The following EPHA6 variants were observed in gnomAD, a reference collection of about 807,000 sequenced individuals.
EPHA6 encodes the protein ephrin type-A receptor 6.
Under a neutral mutation model 112.0 loss-of-function variants are expected in EPHA6, and 50 were observed. That is an observed-to-expected ratio of 0.45 (90% confidence interval 0.36 to 0.56). The LOEUF (loss-of-function observed/expected upper bound fraction) is 0.56. Among genes scored for constraint, EPHA6 ranks in the 20% least tolerant of loss-of-function variants. The probability of loss-of-function intolerance (pLI) is 0.00; values close to 1 mark genes in which losing one functional copy is unlikely to be tolerated. For synonymous variants in EPHA6, 529 were observed against 490.7 expected (o/e 1.08, Z -1.03); for missense variants, 1,280 against 1,417.4 (o/e 0.90, Z 1.56).
At chr3:96,978,178 C>T (rs1473859407) in intron 2 of EPHA6, among the ~76,000 whole-genome samples, 3 of 152,112 alleles carry the variant, frequency 2.0e-5, no homozygotes, top group African/African-American at 7.2e-5. Flanking sequence ...AAAAGAAAAT[C>T]ATAAGGAAGA....
chr3:97,491,417 G>A (rs1489996017), intron 10 of EPHA6, among the ~76,000 whole-genome samples: 1 of 152,112 alleles, frequency 6.6e-6, no homozygotes, highest in Non-Finnish European at 1.5e-5. Flanking sequence ...CTTGTAAGAT[G>A]GATAGTGGGG....
chr3:97,453,130 G>T (rs192969273), intron 7 of EPHA6, among the ~76,000 whole-genome samples: 2 of 151,562 alleles, frequency 1.3e-5, no homozygotes, highest in Admixed American at 6.6e-5. Flanking sequence ...AAGTAATTTT[G>T]CATGTGCAGT....
chr3:97,582,484 A>T (rs531545348), intron 11 of EPHA6, among the ~76,000 whole-genome samples: 3 of 152,316 alleles, frequency 2.0e-5, no homozygotes, highest in South Asian at 2.1e-4. Flanking sequence ...ACATGGAAGG[A>T]AATCCCATGT....
chr3:97,266,721 T>C, intron 5 of EPHA6, among the ~76,000 whole-genome samples: 1 of 121,958 alleles, frequency 8.2e-6, no homozygotes, highest in East Asian at 2.7e-4. Flanking sequence ...CCATATGTCA[T>C]TTTTTGTAAC....
At chr3:97,659,814 C>T (rs1280699113) in intron 14 of EPHA6, among the ~76,000 whole-genome samples, 1 of 151,966 alleles carries the variant, frequency 6.6e-6, no homozygotes, top group Admixed American at 6.6e-5. Flanking sequence ...TTTTCCTGCA[C>T]TACCACAGAT....
At chr3:96,837,989 C>A (rs2034518505) in intron 1 of EPHA6, among the ~76,000 whole-genome samples, 1 of 152,044 alleles carries the variant, frequency 6.6e-6, no homozygotes, top group South Asian at 2.1e-4. Flanking sequence ...AGGTGTTAAG[C>A]CCAGCATCCA....
At position 97,532,607 on chromosome 3, in the gene EPHA6, G is replaced by C. The variant is rs146110501; in HGVS notation, c.2386+64G>C. On this transcript the variant is annotated intron_variant, in intron 11 of 17. Transcript: ENST00000389672. ...CTATCTCAGTTTTTTTTTAAGAAAA[G>C]GAAAAATCTTCATAATAATACCACA... The C allele has an allele frequency of 4.2e-4, 578 of 1,365,254 alleles. 1 individual carries two copies. The African/African-American group carries it at 8.1e-3, about 19-fold the overall frequency. The allele number at this position is 1,365,254 out of a possible 1,614,324, so 84.6% of individuals were successfully genotyped here.
rs1175556895 is a variant in EPHA6 at position 97,757,497 on chromosome 3, A to C, written c.*8796A>C. The stretch of plus-strand genomic sequence containing the variant: ...AAGAATTTGCCAAAAAATTCAAATA[A>C]TAATACATTGAATATTGGACTGCCA... On this transcript the variant is annotated 3_prime_UTR_variant, in exon 18 of 18. Coordinates refer to ENST00000389672, the MANE Select transcript of EPHA6 (RefSeq NM_001080448.3). Among the ~76,000 whole-genome samples the C allele has an allele frequency of 2.0e-5, 3 of 151,722 alleles. No homozygotes were observed. Among genetic ancestry groups the C allele is most frequent in the African/African-American group, 7.2e-5 (3 of 41,420 alleles).
At chr3:96,989,577 C>G (rs1389667145) in intron 3 of EPHA6, among the ~76,000 whole-genome samples, 1 of 152,098 alleles carries the variant, frequency 6.6e-6, no homozygotes, top group Non-Finnish European at 1.5e-5. Flanking sequence ...CTTCCTGAGA[C>G]TGGGTAATTT....
At chr3:96,818,271 G>T (rs1037618730) in intron 1 of EPHA6, among the ~76,000 whole-genome samples, 3 of 151,934 alleles carry the variant, frequency 2.0e-5, no homozygotes, top group African/African-American at 7.2e-5. Context: ...TTCATTCAAA[G>T]ATTATTCTGC....
chr3:97,181,311 A>C (rs1198554535), intron 3 of EPHA6, among the ~76,000 whole-genome samples: 1 of 151,914 alleles, frequency 6.6e-6, no homozygotes, highest in African/African-American at 2.4e-5. Flanking sequence ...CAGCAATATG[A>C]ATTTAAAACC....
intron 6 of EPHA6, among the ~76,000 whole-genome samples, chr3:97,410,024 A>G (rs2087609807): frequency 6.6e-6 from 1 of 152,092 alleles, no homozygotes; most frequent in Non-Finnish European, 1.5e-5. Flanking sequence ...TAAAAAATAT[A>G]AGGAGATTTG....
intron 2 of EPHA6, among the ~76,000 whole-genome samples, chr3:96,939,910 GTT>G (rs2040838647): frequency 1.3e-5 from 2 of 152,188 alleles, no homozygotes; most frequent in African/African-American, 2.4e-5. Context: ...TAGTTGAGCG[GTT>G]TTGAGTGAGT....
At chr3:97,736,500 T>C (rs919910141) in intron 16 of EPHA6, among the ~76,000 whole-genome samples, 13 of 151,582 alleles carry the variant, frequency 8.6e-5, no homozygotes, top group Admixed American at 7.9e-4. Context: ...TGTGTGTGTG[T>C]GTGTGTGTGT....
chr3:97,219,104 C>A (rs1262514011), intron 3 of EPHA6, among the ~76,000 whole-genome samples: 1 of 152,150 alleles, frequency 6.6e-6, no homozygotes, highest in African/African-American at 2.4e-5. Flanking sequence ...ACCCCTGTGG[C>A]TTTGCAGGGT....
intron 3 of EPHA6, among the ~76,000 whole-genome samples, chr3:97,124,102 A>G (rs905576762): frequency 7.2e-5 from 11 of 152,142 alleles, no homozygotes; most frequent in Non-Finnish European, 1.5e-4. Flanking sequence ...ATTTCTAATC[A>G]ATATAATTGG....
intron 3 of EPHA6, among the ~76,000 whole-genome samples, chr3:97,109,761 A>G (rs1293142021): frequency 6.6e-6 from 1 of 152,190 alleles, no homozygotes; most frequent in African/African-American, 2.4e-5. Context: ...TGCTGACAGC[A>G]GTAAACAAGA....
chr3:96,917,301 G>C (rs1384918357), intron 2 of EPHA6, among the ~76,000 whole-genome samples: 1 of 150,826 alleles, frequency 6.6e-6, no homozygotes, highest in African/African-American at 2.4e-5. Flanking sequence ...GGCACCTTTA[G>C]TCCCAGCTAC....
At position 97,752,857 on chromosome 3, in the gene EPHA6, A is replaced by G. The variant is rs1321063888; in HGVS notation, c.*4156A>G. Among the ~76,000 whole-genome samples, 2 of 152,092 alleles carry G rather than the reference A, an allele frequency of 1.3e-5. No individual in the cohort carries two copies. Among genetic ancestry groups the G allele is most frequent in the African/African-American group, 4.8e-5 (2 of 41,442 alleles). The stretch of plus-strand genomic sequence containing the variant: ...ACTCACAGTTGGTGTCCATGTCTCT[A>G]TATATCAAAGAGATTTGAAGCATAT... On this transcript the variant is annotated 3_prime_UTR_variant, in exon 18 of 18. Coordinates refer to ENST00000389672, the MANE Select transcript of EPHA6 (RefSeq NM_001080448.3).
Sources: gnomAD v4.1 joint callset for allele counts (sites outside exome capture counted in the v4.1 genomes callset) on GRCh38, gnomAD v4.1.1 for gene constraint, MANE v1.5 for transcripts, NCBI Gene and HGNC (gene_info 2026-07-23, HGNC 2026-07-21) for gene names.